NEO1: variants seen among roughly 807,000 people sequenced by gnomAD.
NEO1 encodes the protein neogenin 1.
NEO1 carries 63 observed loss-of-function variants against 159.7 expected under a neutral mutation model. The ratio of observed to expected loss-of-function variants is 0.39; its 90% CI spans 0.32 to 0.49. The LOEUF (loss-of-function observed/expected upper bound fraction) is 0.49. Among genes scored for constraint, NEO1 ranks in the 20% least tolerant of loss-of-function variants. NEO1 has a pLI of 0.85. For synonymous variants in NEO1, 633 were observed against 662.0 expected, an observed-to-expected ratio of 0.96 and a Z score of 0.67; for missense variants, 1,615 against 1,831.0, an observed-to-expected ratio of 0.88 and a Z score of 2.15.
Position 73,126,400 on chromosome 15 carries a change from ATT to A in NEO1, c.725-4_725-3del, listed in dbSNP as rs747845315. ...TGTCCTTTAATTATTGTCTTTGTTA[ATT>A]TTTTTTTTTTTTAGATCCTGAGGTG... On this transcript the variant is annotated splice_polypyrimidine_tract_variant and intron_variant, in intron 3 of 28. Coordinates refer to ENST00000261908, the MANE Select transcript of NEO1 (RefSeq NM_002499.4). 2.9e-3 allele frequency: 3,757 copies of A among 1,277,346 alleles called. No homozygotes were observed. The highest frequency in any genetic ancestry group is 6.1e-3 in the South Asian group (418 of 68,708). The allele number at this position is 1,277,346 out of a possible 1,614,324, so 79.1% of individuals were successfully genotyped here.
At position 73,304,446 on chromosome 15, in the gene NEO1, A is replaced by C. The variant is rs1204466150; in HGVS notation, c.*1750A>C. The C allele has an allele frequency of 6.6e-6, 1 of 152,234 alleles. No individual in the cohort carries two copies. Among genetic ancestry groups the C allele is most frequent in the Non-Finnish European group, 1.5e-5 (1 of 68,070 alleles). 9.4% of individuals were successfully genotyped at this position (152,234 alleles called of 1,614,324 possible). ...TGCTGAAACCACCAGTGGGTACCCCAGGCCACCTGCCTTTGAACTTGGGGA... is the reference window on the plus strand; with the variant it reads ...TGCTGAAACCACCAGTGGGTACCCCCGGCCACCTGCCTTTGAACTTGGGGA... On this transcript the variant is annotated 3_prime_UTR_variant, in exon 29 of 29. Coordinates refer to ENST00000261908, the MANE Select transcript of NEO1 (RefSeq NM_002499.4).
intron 5 of NEO1, among the ~76,000 whole-genome samples, chr15:73,170,984 C>T (rs912377544): frequency 6.7e-6 from 1 of 149,922 alleles, no homozygotes; most frequent in Admixed American, 6.7e-5. Flanking sequence ...ATGGAACTGC[C>T]TATGAAGTAG....
intron 5 of NEO1, among the ~76,000 whole-genome samples, 192 bp downstream of exon 5, chr15:73,136,219 TTCTC>T (rs1455278358): frequency 6.6e-6 from 1 of 152,184 alleles, no homozygotes; most frequent in African/African-American, 2.4e-5. Flanking sequence ...CTTATTTAAT[TTCTC>T]TCAACCTCAT....
chr15:73,278,874 C>T (rs1185021165), intron 22 of NEO1, among the ~76,000 whole-genome samples: 1 of 152,176 alleles, frequency 6.6e-6, no homozygotes, highest in African/African-American at 2.4e-5. Context: ...TCTGATTGTG[C>T]TTTTCCCACT....
chr15:73,136,160 G>T, intron 5 of NEO1, 133 bp downstream of exon 5: 1 of 609,764 alleles, frequency 1.6e-6, no homozygotes, highest in Non-Finnish European at 2.5e-6. Flanking sequence ...CAGACTGCTT[G>T]GGTTTAAATT....
intron 7 of NEO1, among the ~76,000 whole-genome samples, chr15:73,191,011 G>T (rs919412778): frequency 9.9e-5 from 15 of 152,036 alleles, no homozygotes; most frequent in Admixed American, 8.5e-4. Flanking sequence ...TGCATTTAAT[G>T]TAAAATGTGC....
intron 3 of NEO1, among the ~76,000 whole-genome samples, chr15:73,123,388 A>G (rs905916593): frequency 6.6e-5 from 10 of 152,126 alleles, no homozygotes; most frequent in African/African-American, 1.9e-4. Context: ...TCTCTCCAAC[A>G]ATAGGATATT....
Position 73,270,092 on chromosome 15 carries a change from A to T in NEO1, c.2577A>T (p.Gly859=). The change falls in exon 17 of 29, where the codon GGA becomes GGT. Residue 859 remains glycine, a synonymous_variant. Coordinates refer to ENST00000261908, the MANE Select transcript of NEO1 (RefSeq NM_002499.4). ...CCACTCCCATGATGCCACCAGTGGGAGTTCAGGCTTCCATTCTGAGTCATG... is the reference window on the plus strand; with the variant it reads ...CCACTCCCATGATGCCACCAGTGGGTGTTCAGGCTTCCATTCTGAGTCATG... ...PDPTPMMPPV[G]VQASILSHDT... 6.2e-7 allele frequency: 1 copy of T among 1,614,158 alleles called. No homozygotes were observed. The highest frequency in any genetic ancestry group is 1.7e-5 in the Admixed American group (1 of 60,012).
rs779361766 is a variant in NEO1, at chr15:73,249,635, C to T, written c.1808C>T (p.Thr603Ile). The T allele has an allele frequency of 2.5e-6, 4 of 1,613,432 alleles. No individual in the cohort carries two copies. Among genetic ancestry groups the T allele is most frequent in the Non-Finnish European group, 2.5e-6 (3 of 1,179,754 alleles). The change falls in exon 11 of 29, where the codon ACA (threonine) becomes ATA (isoleucine). Residue 603 changes from threonine to isoleucine, a missense_variant. By Grantham distance (89) the Thr-to-Ile change is moderately conservative. Around this residue, in one of 3 missense-constraint regions of NEO1, gnomAD observed 1,018 missense variants for 1,115.4 expected, o/e 0.91. Coordinates refer to ENST00000261908, the MANE Select transcript of NEO1 (RefSeq NM_002499.4). Reference protein sequence around the residue: ...SYTINGLKKYTEYSFRVVAYN... With the variant: ...SYTINGLKKYIEYSFRVVAYN... ...ACCATTAATGGGTTGAAAAAATATA[C>T]AGAGTATAGTTTCCGAGTGGTGGCC...
At chr15:73,276,399 AAGAGCCTT>A (rs2041426479) in intron 21 of NEO1, among the ~76,000 whole-genome samples, 1 of 152,202 alleles carries the variant, frequency 6.6e-6, no homozygotes, top group African/African-American at 2.4e-5. Flanking sequence ...CTTAAACCTG[AAGAGCCTT>A]GCAGGTGCTA....
rs954629126 is a variant in NEO1 at position 73,271,926 on chromosome 15, CA to C, written c.2858-528del. Among the ~76,000 whole-genome samples, 3 of 127,218 alleles carry C rather than the reference CA, an allele frequency of 2.4e-5. 1 individual carries two copies. Among genetic ancestry groups the C allele is most frequent in the African/African-American group, 8.5e-5 (3 of 35,146 alleles). The allele number at this position is 127,218 out of a possible 152,430, so 83.5% of individuals were successfully genotyped here. Reference sequence around the variant, plus strand: ...CATCTCAAAAAAAAAAAAAAAAAAACAGCTATATTTGGTTTGGAGAGCCAAC... The same window carrying C: ...CATCTCAAAAAAAAAAAAAAAAAAACGCTATATTTGGTTTGGAGAGCCAAC... On this transcript the variant is annotated intron_variant, in intron 18 of 28. Coordinates refer to ENST00000261908, the MANE Select transcript of NEO1 (RefSeq NM_002499.4).
At chr15:73,230,447 T>C (rs1008511631) in intron 7 of NEO1, among the ~76,000 whole-genome samples, 1 of 152,214 alleles carries the variant, frequency 6.6e-6, no homozygotes, top group African/African-American at 2.4e-5. Context: ...CTTAGTTTCC[T>C]AGTCTTCTAC....
intron 15 of NEO1, among the ~76,000 whole-genome samples, chr15:73,262,103 C>T (rs917007816): frequency 2.0e-5 from 3 of 152,100 alleles, no homozygotes; most frequent in Non-Finnish European, 2.9e-5. Flanking sequence ...CCTTGTCTTA[C>T]GCTATATGCA....
intron 4 of NEO1, among the ~76,000 whole-genome samples, chr15:73,128,400 T>C (rs1184471560): frequency 1.3e-5 from 2 of 152,222 alleles, no homozygotes. Context: ...TATTTTGTCA[T>C]GAAGGGACAT....
chr15:73,150,163 A>C (rs2033258119), intron 5 of NEO1, among the ~76,000 whole-genome samples: 1 of 152,186 alleles, frequency 6.6e-6, no homozygotes, highest in Non-Finnish European at 1.5e-5. Flanking sequence ...AATCCTGAGA[A>C]ATGGGTCAGA....
intron 28 of NEO1, among the ~76,000 whole-genome samples, 173 bp from the exon 29 acceptor site, chr15:73,302,440 G>A (rs1397142691): frequency 2.0e-5 from 3 of 152,166 alleles, no homozygotes; most frequent in Non-Finnish European, 4.4e-5. Context: ...GGATCCTAGT[G>A]ACCTTGGGTC....
rs574252774 is a variant in NEO1 at position 73,175,415 on chromosome 15, AT to A, written c.1016-985del. Among the ~76,000 whole-genome samples, 194 of 152,370 alleles carry A rather than the reference AT, an allele frequency of 1.3e-3. 1 individual carries two copies. The highest frequency in any genetic ancestry group is 4.5e-3 in the African/African-American group (186 of 41,596). On this transcript the variant is annotated intron_variant, in intron 5 of 28. Transcript: ENST00000261908. ...ATTTGCTTACTGAAATCTGTAAAAC[AT>A]TTATGAAAGAAATCAGACTTAAATA... is the stretch of plus-strand genomic sequence containing the variant.
At chr15:73,283,425 A>G (rs554354184) in intron 23 of NEO1, among the ~76,000 whole-genome samples, 62 of 152,380 alleles carry the variant, frequency 4.1e-4, no homozygotes, top group African/African-American at 1.4e-3. Flanking sequence ...TGAAAGGGCA[A>G]GAGGAGAGAG....
At chr15:73,056,091 A>G (rs1375331018) in intron 1 of NEO1, among the ~76,000 whole-genome samples, 1 of 152,302 alleles carries the variant, frequency 6.6e-6, no homozygotes, top group Non-Finnish European at 1.5e-5. Context: ...AGTGTTCTGT[A>G]GCTTGGGTGT....
Sources: allele counts gnomAD v4.1 joint callset (sites outside exome capture counted in the v4.1 genomes callset), GRCh38; gene constraint gnomAD v4.1.1; regional missense constraint gnomAD v4.1.1; transcripts MANE v1.5; gene names NCBI Gene and HGNC (gene_info 2026-07-23, HGNC 2026-07-21).